GRIK1: variants seen among roughly 807,000 people sequenced by gnomAD.
GRIK1 encodes the protein glutamate receptor ionotropic, kainate 1.
GRIK1 carries 69 observed loss-of-function variants against 105.7 expected under a neutral mutation model. That is an observed-to-expected ratio of 0.65 (90% CI 0.54 to 0.80). GRIK1 has a LOEUF of 0.80. Among genes scored for constraint, GRIK1 ranks in the 30% least tolerant of loss-of-function variants. GRIK1 has a pLI of 0.00. For missense variants in GRIK1, 1,109 were observed against 1,167.3 expected (o/e 0.95, Z 0.73); for synonymous variants, 438 against 431.3 (o/e 1.02, Z -0.19).
chr21:29,676,468 C>CCAT (rs1413960078), intron 3 of GRIK1, among the ~76,000 whole-genome samples: 1 of 152,182 alleles, frequency 6.6e-6, no homozygotes, highest in Non-Finnish European at 1.5e-5. Context: ...TTGCAGCAAT[C>CCAT]CATCAGTCAT....
Position 29,843,663 on chromosome 21 carries a change from G to C in GRIK1, c.118+95720C>G, listed in dbSNP as rs532401758. Among the ~76,000 whole-genome samples the C allele has an allele frequency of 2.0e-5, 3 of 152,206 alleles. No individual in the cohort carries two copies. The East Asian group carries it at 5.8e-4, about 29-fold the overall frequency. ...AGCTTCAGCCGACACTGGGGAGAGA[G>C]AAAACTCCATTTCTATGGAAGAAGA... On this transcript the variant is annotated intron_variant, in intron 1 of 17. Transcript: ENST00000327783.
chr21:29,772,019 A>G (rs1326099915), intron 1 of GRIK1, among the ~76,000 whole-genome samples: 2 of 152,064 alleles, frequency 1.3e-5, no homozygotes, highest in Admixed American at 6.5e-5. Context: ...TCCTGGAGTT[A>G]TGATACCAAT....
intron 1 of GRIK1, among the ~76,000 whole-genome samples, chr21:29,772,308 T>C (rs954692114): frequency 2.6e-5 from 4 of 152,204 alleles, no homozygotes; most frequent in Non-Finnish European, 5.9e-5. Context: ...TTTTGAGTTA[T>C]ACTATGAAAA....
intron 3 of GRIK1, among the ~76,000 whole-genome samples, chr21:29,685,958 G>A (rs117456404): frequency 0.018 from 2,713 of 152,262 alleles, 33 homozygotes; most frequent in Non-Finnish European, 0.027. Flanking sequence ...TATTTCATAG[G>A]GGCCCTGACC....
chr21:29,562,154 C>T (rs2090496960), intron 14 of GRIK1, among the ~76,000 whole-genome samples: 1 of 152,154 alleles, frequency 6.6e-6, no homozygotes, highest in Non-Finnish European at 1.5e-5. Context: ...ATGCATTTTC[C>T]TTTCAATCAC....
At chr21:29,777,795 C>G (rs1163176045) in intron 1 of GRIK1, among the ~76,000 whole-genome samples, 1 of 151,816 alleles carries the variant, frequency 6.6e-6, no homozygotes, top group Non-Finnish European at 1.5e-5. Flanking sequence ...GTCCTGGTGA[C>G]AGAACGAACA....
intron 1 of GRIK1, among the ~76,000 whole-genome samples, chr21:29,767,729 C>G (rs1028067335): frequency 1.3e-5 from 2 of 152,102 alleles, no homozygotes; most frequent in Non-Finnish European, 2.9e-5. Flanking sequence ...TTGAAGTAGA[C>G]TTGCCTTTGA....
chr21:29,851,155 A>G (rs2068293194), intron 1 of GRIK1, among the ~76,000 whole-genome samples: 1 of 151,964 alleles, frequency 6.6e-6, no homozygotes, highest in Non-Finnish European at 1.5e-5. Flanking sequence ...CCCAGGTCCA[A>G]TCAATTCTCC....
rs1412526003 is a variant in GRIK1, at chr21:29,620,798, T to TAGATAG, written c.1099-21862_1099-21861insCTATCT. Reference sequence around the variant, plus strand: ...ATATATATAGATATATATATCTATATATATATAGATATATATATATAGTAA... The same window carrying TAGATAG: ...ATATATATAGATATATATATCTATATAGATAGATATATAGATATATATATATAGTAA... On this transcript the variant is annotated intron_variant, in intron 7 of 17. Transcript: ENST00000327783. Among the ~76,000 whole-genome samples, 1,060 of 107,540 alleles carry TAGATAG rather than the reference T, an allele frequency of 9.9e-3. 8 individuals are homozygous for TAGATAG. The highest frequency in any genetic ancestry group is 0.022 in the African/African-American group (437 of 20,226). 70.6% of individuals were successfully genotyped at this position (107,540 alleles called of 152,430 possible).
intron 1 of GRIK1, among the ~76,000 whole-genome samples, chr21:29,714,095 C>A (rs1422260300): frequency 1.3e-5 from 2 of 152,116 alleles, no homozygotes; most frequent in Admixed American, 1.3e-4. Context: ...TTAACATGAT[C>A]TAATCTGTAT....
intron 1 of GRIK1, among the ~76,000 whole-genome samples, chr21:29,917,699 G>A (rs1390370755): frequency 6.6e-6 from 1 of 151,752 alleles, no homozygotes; most frequent in Non-Finnish European, 1.5e-5. Flanking sequence ...TAAAAACCTA[G>A]GTTCTACCCC....
At chr21:29,861,959 G>T (rs2068655383) in intron 1 of GRIK1, among the ~76,000 whole-genome samples, 2 of 152,108 alleles carry the variant, frequency 1.3e-5, no homozygotes, top group African/African-American at 2.4e-5. Context: ...TATTGTCTTT[G>T]TCTAGGTAAT....
At chr21:29,592,868 G>A (rs551717786) in intron 9 of GRIK1, among the ~76,000 whole-genome samples, 1 of 152,322 alleles carries the variant, frequency 6.6e-6, no homozygotes, top group East Asian at 1.9e-4. Context: ...ACAAGTGGCA[G>A]TTTAGGAACA....
At chr21:29,731,488 T>G (rs1705511604) in intron 1 of GRIK1, among the ~76,000 whole-genome samples, 1 of 152,166 alleles carries the variant, frequency 6.6e-6, no homozygotes, top group East Asian at 1.9e-4. Flanking sequence ...AATAAATGCT[T>G]CAAGATCTTG....
At chr21:29,580,103 G>GTA (rs1173433456) in intron 13 of GRIK1, among the ~76,000 whole-genome samples, 2 of 140,244 alleles carry the variant, frequency 1.4e-5, no homozygotes, top group African/African-American at 5.5e-5. Flanking sequence ...ATATATGTGT[G>GTA]TATATATACA....
chr21:29,904,135 C>T (rs959060270), intron 1 of GRIK1, among the ~76,000 whole-genome samples: 5 of 151,914 alleles, frequency 3.3e-5, no homozygotes, highest in African/African-American at 9.7e-5. Flanking sequence ...GAATGGGATG[C>T]TAGGGGAGGG....
chr21:29,568,944 C>G (rs2090673777), intron 14 of GRIK1, among the ~76,000 whole-genome samples: 1 of 152,234 alleles, frequency 6.6e-6, no homozygotes, highest in South Asian at 2.1e-4. Context: ...TGTTTCTTGT[C>G]TGCATTCTAA....
chr21:29,661,892 ACATG>A (rs2062971157), intron 4 of GRIK1, among the ~76,000 whole-genome samples: 1 of 152,200 alleles, frequency 6.6e-6, no homozygotes, highest in South Asian at 2.1e-4. Flanking sequence ...CGTGTTAACC[ACATG>A]CATGTACACA....
At chr21:29,584,469 C>T (rs2091089040) in intron 12 of GRIK1, among the ~76,000 whole-genome samples, 1 of 152,122 alleles carries the variant, frequency 6.6e-6, no homozygotes, top group Non-Finnish European at 1.5e-5. Context: ...AAAGTGGAAA[C>T]ATTGTCAACC....
Sources: allele counts gnomAD v4.1 joint callset (sites outside exome capture counted in the v4.1 genomes callset), GRCh38; gene constraint gnomAD v4.1.1; transcripts MANE v1.5; gene names NCBI Gene and HGNC (gene_info 2026-07-23, HGNC 2026-07-21).